The following NENF variants were observed in gnomAD, a reference collection of about 807,000 sequenced individuals.
NENF encodes neudesin.
A neutral mutation model predicts 14.8 loss-of-function variants in NENF; 6 were observed. The observed-to-expected ratio is 0.40, with a 90% CI of 0.22 to 0.80. The LOEUF is 0.80. Ranked by LOEUF, NENF falls within the 30% of genes least tolerant of loss-of-function variation. NENF has a pLI of 0.34. For missense variants in NENF, 184 were observed against 212.7 expected, an observed-to-expected ratio of 0.87 and a Z score of 0.84; for synonymous variants, 76 against 95.1, an observed-to-expected ratio of 0.80 and a Z score of 1.17.
In NENF at chr1:212,442,580, T is replaced by G. The variant is rs1361896076; in HGVS notation, c.193T>G (p.Tyr65Asp). The G allele has an allele frequency of 6.2e-7, 1 of 1,613,346 alleles. No individual in the cohort carries two copies. The highest frequency in any genetic ancestry group is 1.3e-5 in the African/African-American group (1 of 74,930). Reference protein sequence around the residue: ...YGGEEEDQPIYLAVKGVVFDV... With the variant: ...YGGEEEDQPIDLAVKGVVFDV... ...TGCTTTCTAGGAAGATCAGCCCATC[T>G]ACTTGGCAGTGAAGGGAGTGGTGTT... Residue 65 changes from tyrosine (Y) to aspartate (D), a missense_variant, in exon 2 of 4, where the codon TAC (tyrosine) becomes GAC (aspartate). Tyr to Asp is a radical substitution (Grantham distance 160). Transcript: ENST00000366988.
intron 2 of NENF, among the ~76,000 whole-genome samples, chr1:212,443,476 T>A (rs1220370365): frequency 6.6e-6 from 1 of 152,078 alleles, no homozygotes. Flanking sequence ...TGCGACCTTC[T>A]CCAGCTGCCA....
At chr1:212,444,213 C>A in intron 2 of NENF, 126 bp from the exon 3 acceptor site, 1 of 489,016 alleles carries the variant, frequency 2.0e-6, no homozygotes, top group African/African-American at 2.0e-5. Flanking sequence ...CATTGTTTGG[C>A]CTCTCCGTGA....
intron 1 of NENF, among the ~76,000 whole-genome samples, chr1:212,439,859 C>T (rs908212768): frequency 1.9e-4 from 29 of 151,496 alleles, no homozygotes; most frequent in African/African-American, 6.1e-4. Context: ...GACTCCGTCC[C>T]CCCCCCACAA....
chr1:212,441,657 G>T (rs969785305), intron 1 of NENF, among the ~76,000 whole-genome samples: 1 of 152,126 alleles, frequency 6.6e-6, no homozygotes, highest in African/African-American at 2.4e-5. Flanking sequence ...GTGGTGGCGG[G>T]TGCCTGTAAT....
At chr1:212,440,071 GT>G (rs1257904251) in intron 1 of NENF, among the ~76,000 whole-genome samples, 1 of 151,910 alleles carries the variant, frequency 6.6e-6, no homozygotes, top group Non-Finnish European at 1.5e-5. Context: ...GGCCAACATG[GT>G]GAAACCCTGT....
chr1:212,441,507 G>A (rs1283471056), intron 1 of NENF, among the ~76,000 whole-genome samples: 5 of 152,170 alleles, frequency 3.3e-5, no homozygotes, highest in Admixed American at 1.3e-4. Context: ...GCCCTACGCC[G>A]GGCATGGTGG....
chr1:212,433,048 G>A lies in NENF; in HGVS notation c.105G>A (p.Pro35=). 3 of 1,188,470 alleles carry A rather than the reference G, an allele frequency of 2.5e-6. No individual in the cohort carries two copies. Among genetic ancestry groups the A allele is most frequent in the Non-Finnish European group, 3.1e-6 (3 of 959,828 alleles). The allele number at this position is 1,188,470 out of a possible 1,614,324, so 73.6% of individuals were successfully genotyped here. The change falls in exon 1 of 4, where the codon CCG becomes CCA. Residue 35 remains proline (P), a synonymous_variant. Transcript: ENST00000366988. This position sits in a 1 kb window ranked among gnomAD's most constrained non-coding sequence, Gnocchi z 5.5. ...GLPTARAGQT[P]RPAERGPPVR... ...CCACAGCCCGGGCCGGGCAGACACC[G>A]CGCCCTGCCGAGCGGGGGCCCCCAG...
At chr1:212,443,414 AT>A (rs1285093846) in intron 2 of NENF, among the ~76,000 whole-genome samples, 2 of 149,992 alleles carry the variant, frequency 1.3e-5, no homozygotes, top group African/African-American at 2.4e-5. Context: ...TGCATCTTTA[AT>A]TTTTTTTTTG....
chr1:212,445,515 G>A (rs1662764484), intron 3 of NENF, among the ~76,000 whole-genome samples: 2 of 151,954 alleles, frequency 1.3e-5, no homozygotes, highest in Admixed American at 6.6e-5. Context: ...GGATTAATCG[G>A]GGGGAGGAAG....
rs1662688069 is a variant in NENF, at chr1:212,440,787, G to A, written c.178-1778G>A. Among the ~76,000 whole-genome samples the A allele has an allele frequency of 2.0e-5, 3 of 152,120 alleles. No individual in the cohort carries two copies. The South Asian group carries it at 6.2e-4, about 32-fold the overall frequency. ...CAGTAGCTCCTCTGTCTGTTAAATG[G>A]GATCATGAAAACCCTTCACCATAAG... On this transcript the variant is annotated intron_variant, in intron 1 of 3. Transcript: ENST00000366988.
chr1:212,434,207 A>C (rs1164466688), intron 1 of NENF, among the ~76,000 whole-genome samples: 1 of 152,066 alleles, frequency 6.6e-6, no homozygotes, highest in Non-Finnish European at 1.5e-5. Context: ...GGATGTGAGG[A>C]TGTTAAGGGA....
chr1:212,446,102 C>T lies in NENF; in HGVS notation c.*96C>T. ...AACTGGCTGCCTGGAGGCCCTGAGC[C>T]ACCCAGATCTGAATAAAACAGATGC... On this transcript the variant is annotated 3_prime_UTR_variant, in exon 4 of 4. Coordinates refer to ENST00000366988, the MANE Select transcript of NENF (RefSeq NM_013349.5). 1.6e-6 allele frequency: 2 copies of T among 1,212,658 alleles called. No homozygotes were observed. The highest frequency in any genetic ancestry group is 2.4e-6 in the Non-Finnish European group (2 of 839,770). The allele number at this position is 1,212,658 out of a possible 1,614,324, so 75.1% of individuals were successfully genotyped here.
At chr1:212,443,543 C>T (rs1323787375) in intron 2 of NENF, among the ~76,000 whole-genome samples, 1 of 151,996 alleles carries the variant, frequency 6.6e-6, no homozygotes, top group Non-Finnish European at 1.5e-5. Context: ...CAGGTGCACG[C>T]CACCATGCCC....
chr1:212,438,185 T>C (rs1285930289), intron 1 of NENF, among the ~76,000 whole-genome samples: 1 of 152,218 alleles, frequency 6.6e-6, no homozygotes, highest in Non-Finnish European at 1.5e-5. Context: ...CAGAGTGCCT[T>C]TCTTTGGCGC....
rs1662773404 is a variant in NENF, at chr1:212,445,972, A to T, written c.485A>T (p.Asp162Val). The change falls in exon 4 of 4, where the codon GAC becomes GTC. Residue 162 changes from aspartate to valine, a missense_variant. Asp to Val is a radical substitution (Grantham distance 152). Coordinates refer to ENST00000366988, the MANE Select transcript of NENF (RefSeq NM_013349.5). ...GSPNLDFKPE[D>V]QPHFDIKDEF The stretch of plus-strand genomic sequence containing the variant: ...CCTAACCTGGACTTCAAGCCTGAAG[A>T]CCAGCCCCATTTTGACATCAAGGAT... 6.2e-7 allele frequency: 1 copy of T among 1,614,204 alleles called. No homozygotes were observed. Among genetic ancestry groups the T allele is most frequent in the Non-Finnish European group, 8.5e-7 (1 of 1,180,038 alleles).
chr1:212,438,544 A>G (rs1026959921), intron 1 of NENF, among the ~76,000 whole-genome samples: 2 of 151,964 alleles, frequency 1.3e-5, no homozygotes, highest in Admixed American at 1.3e-4. Flanking sequence ...AGTTTTTGAG[A>G]CAAAGTCTCA....
chr1:212,436,946 G>GTTCCTACT (rs1553289358), intron 1 of NENF, among the ~76,000 whole-genome samples: 1 of 148,456 alleles, frequency 6.7e-6, no homozygotes, highest in Non-Finnish European at 1.5e-5. Flanking sequence ...AAAAAAAAGA[G>GTTCCTACT]TTCCTACTCT....
intron 1 of NENF, among the ~76,000 whole-genome samples, chr1:212,435,899 G>T (rs980504794): frequency 6.6e-6 from 1 of 152,052 alleles, no homozygotes; most frequent in African/African-American, 2.4e-5. Context: ...GAACATAGTC[G>T]ATTACCACGT....
chr1:212,439,688 C>CAAAAAAAAAAAAAAA (rs1218927992), intron 1 of NENF, among the ~76,000 whole-genome samples: 1 of 60,926 alleles, frequency 1.6e-5, no homozygotes, highest in Non-Finnish European at 3.1e-5. Context: ...ACTAAATATA[C>CAAAAAAAAAAAAAAA]AAAAAAAAAA....
Sources: allele counts gnomAD v4.1 joint callset (sites outside exome capture counted in the v4.1 genomes callset), GRCh38; gene constraint gnomAD v4.1.1; non-coding constraint Gnocchi (gnomAD v3.1); transcripts MANE v1.5; gene names NCBI Gene and HGNC (gene_info 2026-07-23, HGNC 2026-07-21).